OTOGL: variants seen among roughly 807,000 people sequenced by gnomAD.
OTOGL encodes the protein otogelin like, also known as otogelin-like protein.
In OTOGL, 285 loss-of-function variants were observed where a neutral mutation model predicts 318.5. The ratio of observed to expected loss-of-function variants is 0.89; its 90% CI spans 0.81 to 0.99. The LOEUF is 0.99. Ranked by LOEUF, OTOGL falls within the 50% of genes least tolerant of loss-of-function variation. OTOGL has a pLI of 0.00. For synonymous variants in OTOGL, 987 were observed against 936.5 expected, an observed-to-expected ratio of 1.05 and a Z score of -0.99; for missense variants, 2,899 against 2,845.6, an observed-to-expected ratio of 1.02 and a Z score of -0.43.
Position 80,178,727 on chromosome 12 carries a change from T to G in OTOGL, c.-19-30686T>G, listed in dbSNP as rs1874713450. Among the ~76,000 whole-genome samples the G allele has an allele frequency of 2.0e-5, 3 of 152,212 alleles. No individual in the cohort carries two copies. The South Asian group carries it at 6.2e-4, about 31-fold the overall frequency. On this transcript the variant is annotated intron_variant, in intron 1 of 58. Transcript: ENST00000547103. Reference sequence around the variant, plus strand: ...TGTTTCATATATTTTGTACAGGTTTTTAGTTGTTCCAACTGGGGAGTTAAA... The same window carrying G: ...TGTTTCATATATTTTGTACAGGTTTGTAGTTGTTCCAACTGGGGAGTTAAA...
intron 1 of OTOGL, among the ~76,000 whole-genome samples, chr12:80,142,073 TGA>T (rs1871982799): frequency 6.6e-6 from 1 of 152,086 alleles, no homozygotes; most frequent in Non-Finnish European, 1.5e-5. Flanking sequence ...GGAGAACTTT[TGA>T]GTTTCTGAAA....
In OTOGL at chr12:80,307,872, C is replaced by T. The variant is rs1442461660; in HGVS notation, c.3333+2177C>T. 5.7e-4 allele frequency among the ~76,000 whole-genome samples: 76 copies of T among 132,606 alleles called. 1 individual carries two copies. The highest frequency in any genetic ancestry group is 1.6e-3 in the African/African-American group (47 of 30,158). The allele number at this position is 132,606 out of a possible 152,430, so 87.0% of individuals were successfully genotyped here. On this transcript the variant is annotated intron_variant, in intron 29 of 58. Transcript: ENST00000547103. ...GGCGGCTGGCCGGGCGGGGGGCTGA[C>T]CCCCCCACCTCCCTCCCTCCCGGAC... is the stretch of plus-strand genomic sequence containing the variant.
At position 80,171,749 on chromosome 12, in the gene OTOGL, G is replaced by T. The variant is rs531400770; in HGVS notation, c.-19-37664G>T. On this transcript the variant is annotated intron_variant, in intron 1 of 58. Coordinates refer to ENST00000547103, the MANE Select transcript of OTOGL (RefSeq NM_001378609.3). ...TTAAATCTACAGATCAATTTGGGGA[G>T]AATTGATTTGTTAACAATATTCAGT... Among the ~76,000 whole-genome samples the T allele has an allele frequency of 3.9e-5, 6 of 152,178 alleles. No homozygotes were observed. In the East Asian group the frequency reaches 1.2e-3, roughly 29 times the overall value.
At chr12:80,151,028 G>A (rs1408466511) in intron 1 of OTOGL, among the ~76,000 whole-genome samples, 5 of 152,134 alleles carry the variant, frequency 3.3e-5, no homozygotes, top group South Asian at 2.1e-4. Flanking sequence ...TTGTGAGAAA[G>A]GGTAGGTAAA....
chr12:80,140,860 C>G (rs140318879), intron 1 of OTOGL, among the ~76,000 whole-genome samples: 1 of 152,052 alleles, frequency 6.6e-6, no homozygotes. Context: ...TAAATATATA[C>G]GGACATCAGT....
chr12:80,145,233 G>A lies in OTOGL; in HGVS notation c.-20+45628G>A, dbSNP rs919522627. On this transcript the variant is annotated intron_variant, in intron 1 of 58. Transcript: ENST00000547103. ...TAATCCATCTTGAATTGACTTTTGT[G>A]TAAGGTGTAAGGAAGGGATCCAGTA... is the stretch of plus-strand genomic sequence containing the variant. Among the ~76,000 whole-genome samples the A allele has an allele frequency of 1.9e-3, 289 of 151,272 alleles. 2 individuals carry two copies. The highest frequency in any genetic ancestry group is 6.9e-3 in the African/African-American group (280 of 40,612).
At position 80,268,072 on chromosome 12, in the gene OTOGL, C is replaced by T. The variant is rs1883133419; in HGVS notation, c.2465+745C>T. Among the ~76,000 whole-genome samples, 4 of 152,034 alleles carry T rather than the reference C, an allele frequency of 2.6e-5. No homozygotes were observed. In the South Asian group the frequency reaches 8.3e-4, roughly 31 times the overall value. ...CAATACTAGAAAGATAACACTTAAT[C>T]ATAGGATAACACTCATTCTGGTTAT... On this transcript the variant is annotated intron_variant, in intron 22 of 58. Transcript: ENST00000547103.
chr12:80,186,679 C>G (rs1875315495), intron 1 of OTOGL, among the ~76,000 whole-genome samples: 1 of 152,180 alleles, frequency 6.6e-6, no homozygotes, highest in South Asian at 2.1e-4. Context: ...ACTGCTCTCC[C>G]CAACTCTTCT....
chr12:80,121,368 C>G (rs1870477876), intron 1 of OTOGL, among the ~76,000 whole-genome samples: 1 of 152,176 alleles, frequency 6.6e-6, no homozygotes, highest in Admixed American at 6.5e-5. Flanking sequence ...GTTGCCTCCT[C>G]AGCTCCTCCT....
intron 27 of OTOGL, among the ~76,000 whole-genome samples, chr12:80,300,620 C>A (rs956782394): frequency 6.6e-6 from 1 of 152,122 alleles, no homozygotes; most frequent in Non-Finnish European, 1.5e-5. Context: ...CGTCCTTGCT[C>A]AGAAGAGCAT....
At chr12:80,220,395 G>A (rs1878193558) in intron 6 of OTOGL, among the ~76,000 whole-genome samples, 4 of 152,056 alleles carry the variant, frequency 2.6e-5, no homozygotes, top group Admixed American at 2.6e-4. Context: ...CTGAACTCAG[G>A]TGATCCTCCC....
Position 80,328,661 on chromosome 12 carries a change from A to G in OTOGL, c.4200-4A>G. 6.3e-7 allele frequency: 1 copy of G among 1,584,488 alleles called. No homozygotes were observed. The highest frequency in any genetic ancestry group is 8.7e-7 in the Non-Finnish European group (1 of 1,155,090). ...CTTTGATTTACTCTTTTTTCCATGT[A>G]AAGGGTTGAAGGATGCTTGCCCTAC... On this transcript the variant is annotated splice_polypyrimidine_tract_variant and splice_region_variant and intron_variant, in intron 35 of 58. Coordinates refer to ENST00000547103, the MANE Select transcript of OTOGL (RefSeq NM_001378609.3).
At chr12:80,198,859 C>G (rs1876267961) in intron 1 of OTOGL, among the ~76,000 whole-genome samples, 1 of 152,180 alleles carries the variant, frequency 6.6e-6, no homozygotes, top group African/African-American at 2.4e-5. Flanking sequence ...TCCATACCTT[C>G]CATCCTAGAC....
chr12:80,100,587 C>T (rs1328707593), intron 1 of OTOGL, among the ~76,000 whole-genome samples: 2 of 152,048 alleles, frequency 1.3e-5, no homozygotes, highest in African/African-American at 2.4e-5. Flanking sequence ...TTTTTCAAAC[C>T]GCTAGAAAGT....
chr12:80,357,335 G>A lies in OTOGL; in HGVS notation c.6019+421G>A, dbSNP rs535390892. Among the ~76,000 whole-genome samples the A allele has an allele frequency of 3.9e-5, 6 of 152,218 alleles. No homozygotes were observed. In the East Asian group the frequency reaches 1.2e-3, roughly 29 times the overall value. On this transcript the variant is annotated intron_variant, in intron 49 of 58. Coordinates refer to ENST00000547103, the MANE Select transcript of OTOGL (RefSeq NM_001378609.3). ...CTCAAAAAAGAATGGCAGAAAGAAA[G>A]AGTGACTGGAAAATGACTGGAGCTA... is the stretch of plus-strand genomic sequence containing the variant.
At chr12:80,212,080 CT>C in intron 4 of OTOGL, 83 bp downstream of exon 4, 2 of 1,321,860 alleles carry the variant, frequency 1.5e-6, no homozygotes, top group Non-Finnish European at 2.1e-6. Flanking sequence ...ACAATGAGAC[CT>C]TTGTGGAGGG....
intron 7 of OTOGL, among the ~76,000 whole-genome samples, chr12:80,228,481 C>A (rs1318785165): frequency 6.6e-6 from 1 of 151,674 alleles, no homozygotes; most frequent in Non-Finnish European, 1.5e-5. Flanking sequence ...AAAAAAAACC[C>A]CAAAACAAAA....
intron 11 of OTOGL, among the ~76,000 whole-genome samples, chr12:80,251,143 C>A (rs541132061): frequency 6.6e-6 from 1 of 152,124 alleles, no homozygotes; most frequent in Non-Finnish European, 1.5e-5. Flanking sequence ...GGAATAACTA[C>A]GTTTTGGATT....
At chr12:80,249,935 C>T (rs1365858854) in intron 11 of OTOGL, among the ~76,000 whole-genome samples, 3 of 152,044 alleles carry the variant, frequency 2.0e-5, no homozygotes, top group South Asian at 2.1e-4. Context: ...TTTCCAGGTG[C>T]GTCCGTCAGC....
Sources: allele counts gnomAD v4.1 joint callset (sites outside exome capture counted in the v4.1 genomes callset), GRCh38; gene constraint gnomAD v4.1.1; transcripts MANE v1.5; gene names NCBI Gene and HGNC (gene_info 2026-07-23, HGNC 2026-07-21).